ZNF385D: variants seen among roughly 807,000 people sequenced by gnomAD.
ZNF385D encodes zinc finger protein 385D, also known as zinc finger protein 659.
A neutral mutation model predicts 35.8 loss-of-function variants in ZNF385D; 15 were observed. That is an observed-to-expected ratio of 0.42 (90% CI 0.28 to 0.64). ZNF385D has a LOEUF of 0.64. ZNF385D is among the 30% of genes least tolerant of loss of function. The probability of loss-of-function intolerance (pLI) is 0.23; values close to 1 mark genes in which losing one functional copy is unlikely to be tolerated. For missense variants in ZNF385D, 474 were observed against 494.6 expected (o/e 0.96, Z 0.39); for synonymous variants, 212 against 186.8 (o/e 1.13, Z -1.10).
intron 3 of ZNF385D, among the ~76,000 whole-genome samples, chr3:21,879,294 C>G (rs1207450970): frequency 6.6e-6 from 1 of 151,978 alleles, no homozygotes; most frequent in Non-Finnish European, 1.5e-5. Context: ...CTAGTGTTGT[C>G]TAAGTGACAG....
rs939445848 is a variant in ZNF385D at position 21,799,765 on chromosome 3, C to A, written c.326-134737G>T. Reference sequence around the variant, plus strand: ...ACATGCAAATTTGAATTTTGAAGTCCATTTTATATATTTTTTCTTGTTACT... The same window carrying A: ...ACATGCAAATTTGAATTTTGAAGTCAATTTTATATATTTTTTCTTGTTACT... On this transcript the variant is annotated intron_variant, in intron 3 of 5. Transcript: ENST00000494108. Among the ~76,000 whole-genome samples the A allele has an allele frequency of 3.3e-5, 5 of 151,498 alleles. No homozygotes were observed. In the East Asian group the frequency reaches 9.7e-4, roughly 29 times the overall value.
chr3:21,602,526 T>C (rs990109245), intron 2 of ZNF385D, among the ~76,000 whole-genome samples: 3 of 75,976 alleles, frequency 3.9e-5, no homozygotes, highest in African/African-American at 1.7e-4. Context: ...TCTTTTTTTT[T>C]TTTTTTTTTT....
chr3:21,829,518 T>C (rs1694854745), intron 3 of ZNF385D, among the ~76,000 whole-genome samples: 2 of 152,072 alleles, frequency 1.3e-5, no homozygotes, highest in Non-Finnish European at 2.9e-5. Flanking sequence ...GATAAAAAGC[T>C]TGAATTTTAT....
At chr3:22,319,521 T>C (rs899981339) in intron 2 of ZNF385D, among the ~76,000 whole-genome samples, 1 of 152,148 alleles carries the variant, frequency 6.6e-6, no homozygotes, top group Non-Finnish European at 1.5e-5. Flanking sequence ...TATTGGACAC[T>C]AGAAATGCTG....
At chr3:22,057,508 A>G (rs1559336465) in intron 3 of ZNF385D, among the ~76,000 whole-genome samples, 2 of 142,062 alleles carry the variant, frequency 1.4e-5, no homozygotes, top group African/African-American at 5.1e-5. Flanking sequence ...ATTTTCTTTT[A>G]AAGTATTTTT....
chr3:21,737,466 T>TATAC (rs139213948), intron 1 of ZNF385D, among the ~76,000 whole-genome samples: 54,102 of 148,836 alleles, frequency 0.36, 10,103 homozygotes, highest in Admixed American at 0.52. Context: ...GGGATATATA[T>TATAC]ACACACACAC....
intron 3 of ZNF385D, among the ~76,000 whole-genome samples, chr3:21,552,458 T>C (rs556057023): frequency 6.6e-6 from 1 of 152,354 alleles, no homozygotes; most frequent in South Asian, 2.1e-4. Flanking sequence ...AGAGAGTTTC[T>C]ACTCTTGTAT....
chr3:21,888,437 G>C (rs1165015749), intron 3 of ZNF385D, among the ~76,000 whole-genome samples: 3 of 151,800 alleles, frequency 2.0e-5, no homozygotes, highest in African/African-American at 7.3e-5. Context: ...AAAAGAGAAA[G>C]AGAATAGTAA....
At chr3:21,857,232 T>C (rs1177055717) in intron 3 of ZNF385D, among the ~76,000 whole-genome samples, 2 of 152,122 alleles carry the variant, frequency 1.3e-5, no homozygotes, top group Admixed American at 1.3e-4. Context: ...AGTTATTTTT[T>C]CTATATTTTT....
chr3:22,236,859 G>A (rs887544133), intron 2 of ZNF385D, among the ~76,000 whole-genome samples: 1 of 152,140 alleles, frequency 6.6e-6, no homozygotes, highest in South Asian at 2.1e-4. Context: ...GCATGGATCA[G>A]TATTTCAATT....
chr3:21,645,345 G>C (rs1044966842), intron 2 of ZNF385D, among the ~76,000 whole-genome samples: 1 of 152,078 alleles, frequency 6.6e-6, no homozygotes, highest in African/African-American at 2.4e-5. Flanking sequence ...ACTCAGGGTG[G>C]GAAGATGCCT....
intron 3 of ZNF385D, among the ~76,000 whole-genome samples, chr3:22,080,216 T>C (rs1479993): frequency 0.34 from 51,955 of 151,952 alleles, 9,361 homozygotes; most frequent in Non-Finnish European, 0.39. Flanking sequence ...CATTGTGTTT[T>C]ATCTCACAAA....
intron 3 of ZNF385D, among the ~76,000 whole-genome samples, chr3:21,787,234 TAGA>T (rs937548393): frequency 3.3e-5 from 5 of 152,098 alleles, no homozygotes; most frequent in African/African-American, 4.8e-5. Context: ...CGCTCAATGA[TAGA>T]AGGTGTGAGG....
intron 2 of ZNF385D, among the ~76,000 whole-genome samples, chr3:22,322,994 T>C (rs962458012): frequency 2.0e-5 from 3 of 152,206 alleles, no homozygotes; most frequent in Non-Finnish European, 4.4e-5. Flanking sequence ...TTGGGATCTG[T>C]AGGACTGTAG....
At chr3:21,763,606 G>C (rs574612066) in intron 3 of ZNF385D, among the ~76,000 whole-genome samples, 182 of 152,238 alleles carry the variant, frequency 1.2e-3, no homozygotes, top group Non-Finnish European at 2.2e-3. Context: ...ATTAAGCCCT[G>C]TGTATTTCAT....
chr3:21,675,021 T>A (rs73040075), intron 1 of ZNF385D, among the ~76,000 whole-genome samples: 7,648 of 151,990 alleles, frequency 0.05, 277 homozygotes, highest in East Asian at 0.13. Context: ...ATTGTACCCA[T>A]TTTTTTATTG....
chr3:21,740,245 A>G (rs11718397), intron 1 of ZNF385D, among the ~76,000 whole-genome samples: 6,541 of 152,254 alleles, frequency 0.043, 231 homozygotes, highest in East Asian at 0.11. Context: ...ACATGTGCAT[A>G]AAGTGGTAGC....
At chr3:22,273,704 G>A (rs542769950) in intron 2 of ZNF385D, among the ~76,000 whole-genome samples, 1 of 152,086 alleles carries the variant, frequency 6.6e-6, no homozygotes, top group East Asian at 1.9e-4. Context: ...TGTTACAACT[G>A]GTTTAAAAGA....
At chr3:21,915,396 C>G (rs1167104601) in intron 3 of ZNF385D, among the ~76,000 whole-genome samples, 1 of 151,996 alleles carries the variant, frequency 6.6e-6, no homozygotes, top group Non-Finnish European at 1.5e-5. Flanking sequence ...AAGCATGAAC[C>G]ATTTAATAGC....
Sources: gnomAD v4.1 joint callset for allele counts (sites outside exome capture counted in the v4.1 genomes callset) on GRCh38, gnomAD v4.1.1 for gene constraint, MANE v1.5 for transcripts, NCBI Gene and HGNC (gene_info 2026-07-23, HGNC 2026-07-21) for gene names.